The following PACRG variants were observed in gnomAD, a reference collection of about 807,000 sequenced individuals.
PACRG encodes parkin coregulated gene protein.
PACRG carries 29 observed loss-of-function variants against 29.7 expected under a neutral mutation model. The ratio of observed to expected loss-of-function variants is 0.98; its 90% CI spans 0.73 to 1.33. PACRG has a LOEUF of 1.33. Ranked by LOEUF, PACRG falls within the 40% of genes most tolerant of loss-of-function variation. PACRG has a pLI of 0.00. For missense variants in PACRG, 279 were observed against 316.2 expected (o/e 0.88, Z 0.89); for synonymous variants, 116 against 118.7 (o/e 0.98, Z 0.15).
chr6:163,200,230 T>C (rs2128148967), intron 4 of PACRG, among the ~76,000 whole-genome samples: 1 of 152,064 alleles, frequency 6.6e-6, no homozygotes, highest in African/African-American at 2.4e-5. Context: ...AAAAGGCAAC[T>C]TTTTTTTCTA....
At chr6:163,263,327 T>G (rs564015739) in intron 4 of PACRG, among the ~76,000 whole-genome samples, 5 of 152,140 alleles carry the variant, frequency 3.3e-5, no homozygotes, top group Admixed American at 6.5e-5. Context: ...AAACATTAGC[T>G]TGCTCACAAG....
At chr6:163,051,284 T>G (rs1272295983) in intron 2 of PACRG, 1 of 152,218 alleles carries the variant, frequency 6.6e-6, no homozygotes, top group Admixed American at 6.5e-5. Flanking sequence ...TCTATGCTCA[T>G]TGGTCTGTTG....
chr6:163,127,098 CTA>C (rs1816546985), intron 4 of PACRG, among the ~76,000 whole-genome samples: 1 of 152,198 alleles, frequency 6.6e-6, no homozygotes, highest in African/African-American at 2.4e-5. Context: ...TTTTATGAGA[CTA>C]TGTAAATGAA....
chr6:162,841,494 T>G (rs961659940), intron 2 of PACRG, among the ~76,000 whole-genome samples: 1 of 152,188 alleles, frequency 6.6e-6, no homozygotes, highest in Non-Finnish European at 1.5e-5. Flanking sequence ...CTTTTTTTCT[T>G]TATTAGTCTT....
intron 4 of PACRG, among the ~76,000 whole-genome samples, chr6:163,142,024 T>A (rs1400252467): frequency 6.6e-6 from 1 of 152,062 alleles, no homozygotes; most frequent in African/African-American, 2.4e-5. Context: ...CAAATTTAAA[T>A]AATTTATATT....
intron 4 of PACRG, among the ~76,000 whole-genome samples, chr6:163,231,823 T>A (rs1395732047): frequency 6.6e-6 from 1 of 152,072 alleles, no homozygotes; most frequent in African/African-American, 2.4e-5. Flanking sequence ...TGCAAGAGCC[T>A]CTCCAGACCA....
chr6:162,736,653 T>C (rs1780187407), intron 1 of PACRG, among the ~76,000 whole-genome samples: 1 of 151,286 alleles, frequency 6.6e-6, no homozygotes, highest in South Asian at 2.1e-4. Flanking sequence ...TTTCTGCCTT[T>C]TTTTTTTTGC....
chr6:163,001,994 C>T (rs938758746), intron 2 of PACRG, among the ~76,000 whole-genome samples: 4 of 152,142 alleles, frequency 2.6e-5, no homozygotes, highest in African/African-American at 9.7e-5. Flanking sequence ...GCTTTCTTCA[C>T]TGCAGCAAGT....
chr6:162,795,083 G>C (rs56956178), intron 1 of PACRG, among the ~76,000 whole-genome samples: 34,338 of 151,772 alleles, frequency 0.23, 4,604 homozygotes, highest in African/African-American at 0.35. Context: ...ATGAGGTAAT[G>C]AAACAGACAT....
At chr6:163,007,481 G>A (rs1805226578) in intron 2 of PACRG, among the ~76,000 whole-genome samples, 1 of 152,072 alleles carries the variant, frequency 6.6e-6, no homozygotes, top group African/African-American at 2.4e-5. Context: ...TTGTATGTAT[G>A]AAATGTCTTT....
intron 4 of PACRG, among the ~76,000 whole-genome samples, chr6:163,143,226 T>C (rs1317767984): frequency 6.6e-6 from 1 of 151,918 alleles, no homozygotes; most frequent in Non-Finnish European, 1.5e-5. Context: ...AAAAAGTTTA[T>C]AAAAAAATAA....
intron 4 of PACRG, among the ~76,000 whole-genome samples, chr6:163,177,056 G>A (rs1779396072): frequency 6.6e-6 from 1 of 152,134 alleles, no homozygotes; most frequent in East Asian, 1.9e-4. Flanking sequence ...TGCTGTATCC[G>A]GGACAAAGAG....
chr6:163,245,246 C>T lies in PACRG; in HGVS notation c.614-69581C>T, dbSNP rs147115232. 719 of 223,008 alleles carry T rather than the reference C, an allele frequency of 3.2e-3. 1 individual carries two copies. The highest frequency in any genetic ancestry group is 0.015 in the African/African-American group (646 of 43,478). The allele number at this position is 223,008 out of a possible 1,614,324, so 13.8% of individuals were successfully genotyped here. On this transcript the variant is annotated intron_variant, in intron 4 of 4. Transcript: ENST00000366888. ...CTTTATCTTTTAAAGTCTACTTTCG[C>T]GGCACTTTTTAACTTAATTCTGTTA...
intron 2 of PACRG, among the ~76,000 whole-genome samples, chr6:162,946,114 C>T (rs988989150): frequency 3.3e-5 from 5 of 151,684 alleles, no homozygotes; most frequent in African/African-American, 1.2e-4. Context: ...AAGTCAAGAA[C>T]AAGCCAAACC....
At chr6:162,909,113 A>G (rs1356474965) in intron 2 of PACRG, among the ~76,000 whole-genome samples, 1 of 152,134 alleles carries the variant, frequency 6.6e-6, no homozygotes, top group Non-Finnish European at 1.5e-5. Context: ...ATCCAACCAC[A>G]TGAACTCTTT....
intron 4 of PACRG, among the ~76,000 whole-genome samples, chr6:163,163,025 T>C (rs942581378): frequency 8.5e-5 from 13 of 152,134 alleles, no homozygotes; most frequent in Non-Finnish European, 1.6e-4. Flanking sequence ...TGGAATCGTG[T>C]CCTAACCAAG....
intron 1 of PACRG, among the ~76,000 whole-genome samples, chr6:162,780,693 G>T (rs934137263): frequency 1.3e-5 from 2 of 152,034 alleles, no homozygotes; most frequent in Non-Finnish European, 2.9e-5. Flanking sequence ...CATTTTAATA[G>T]AGACATAGAA....
intron 2 of PACRG, among the ~76,000 whole-genome samples, chr6:162,824,896 T>C (rs556429063): frequency 1.3e-5 from 2 of 152,342 alleles, no homozygotes; most frequent in African/African-American, 4.8e-5. Context: ...TAATTCTTAA[T>C]CCTTTATGCA....
intron 2 of PACRG, among the ~76,000 whole-genome samples, chr6:163,058,666 G>A (rs1810812460): frequency 6.6e-6 from 1 of 152,172 alleles, no homozygotes; most frequent in Non-Finnish European, 1.5e-5. Flanking sequence ...GGAGGCCAAG[G>A]CGAGCGGATC....
Sources: allele counts gnomAD v4.1 joint callset (sites outside exome capture counted in the v4.1 genomes callset), GRCh38; gene constraint gnomAD v4.1.1; transcripts MANE v1.5; gene names NCBI Gene and HGNC (gene_info 2026-07-23, HGNC 2026-07-21).